The following ERCC8 variants were observed in gnomAD, a reference collection of about 807,000 sequenced individuals.
The protein encoded by ERCC8 is ERCC excision repair 8, CSA ubiquitin ligase complex subunit, also known as DNA excision repair protein ERCC-8.
Under a neutral mutation model 54.9 loss-of-function variants are expected in ERCC8, and 52 were observed. That is an observed-to-expected ratio of 0.95 (90% CI 0.76 to 1.19). The LOEUF is 1.19. ERCC8 is among the 50% of genes most tolerant of loss of function. The probability of loss-of-function intolerance (pLI) is 0.00; values close to 1 mark genes in which losing one functional copy is unlikely to be tolerated. For missense variants in ERCC8, 514 were observed against 466.1 expected, an observed-to-expected ratio of 1.10 and a Z score of -0.95; for synonymous variants, 146 against 157.2, an observed-to-expected ratio of 0.93 and a Z score of 0.53.
At chr5:60,926,044 T>C (rs1749739477) in intron 2 of ERCC8, among the ~76,000 whole-genome samples, 1 of 152,008 alleles carries the variant, frequency 6.6e-6, no homozygotes, top group South Asian at 2.1e-4. Flanking sequence ...AGGCTGGTCT[T>C]GAACTCCTGA....
At position 60,866,681 on chromosome 5, in the gene ERCC8, AAT is replaced by A. The variant is rs1747755368; in HGVS notation, c.*7932_*7933del. The A allele has an allele frequency of 6.6e-6, 1 of 152,124 alleles. No homozygotes were observed. Among genetic ancestry groups the A allele is most frequent in the Non-Finnish European group, 1.5e-5 (1 of 68,022 alleles). 9.4% of individuals were successfully genotyped at this position (152,124 alleles called of 1,614,324 possible). A position where few individuals can be genotyped will look rare whatever the true frequency, so the allele number is the denominator to read the frequency against. On this transcript the variant is annotated 3_prime_UTR_variant, in exon 12 of 12. Coordinates refer to ENST00000676185, the MANE Select transcript of ERCC8 (RefSeq NM_000082.4). ...TTAAGACAATTCATAAAACTTTTAT[AAT>A]GACACTCTACCTCTGCCTTCAATGA...
rs1382384642 is a variant in ERCC8, at chr5:60,871,100, A to G, written c.*3515T>C. Among the ~76,000 whole-genome samples the G allele has an allele frequency of 1.3e-5, 2 of 152,194 alleles. No individual in the cohort carries two copies. The highest frequency in any genetic ancestry group is 2.9e-5 in the Non-Finnish European group (2 of 68,040). ...CAAAAATCGTATACCCAGCTAAACT[A>G]TCATTTCAGAGGGGAAAAAAAAGAT... On this transcript the variant is annotated 3_prime_UTR_variant, in exon 12 of 12. Transcript: ENST00000676185.
chr5:60,887,477 AC>A lies in ERCC8; in HGVS notation c.1084del (p.Val362PhefsTer20), dbSNP rs1351707362. ...AGGAACTGGTTCATATAAGGATGGA[AC>A]CCAAGCCAGAATGTTGCAGTCTCTG... Reference protein sequence around the residue: ...GSRDCNILAWVPSLYEPVPDD... With the variant: ...GSRDCNILAWXPSLYEPVPDD... On this transcript the variant is annotated frameshift_variant, in exon 11 of 12. Transcript: ENST00000676185. LOFTEE classifies it high-confidence loss of function. The A allele has an allele frequency of 6.2e-7, 1 of 1,614,032 alleles. No homozygotes were observed. The highest frequency in any genetic ancestry group is 1.1e-5 in the South Asian group (1 of 91,072).
intron 11 of ERCC8, among the ~76,000 whole-genome samples, chr5:60,879,776 G>A (rs988027129): frequency 5.9e-5 from 9 of 152,178 alleles, no homozygotes; most frequent in African/African-American, 2.2e-4. Context: ...CGTGAGATGG[G>A]TTTCCTGAAT....
At position 60,906,587 on chromosome 5, in the gene ERCC8, G is replaced by T. The variant is rs181983798; in HGVS notation, c.400-1714C>A. The stretch of plus-strand genomic sequence containing the variant: ...CTACTTAAAATATAAAAATTAGCTG[G>T]GCGTGGTGGCAGGCGCCTGTAATCC... On this transcript the variant is annotated intron_variant, in intron 4 of 11. Coordinates refer to ENST00000676185, the MANE Select transcript of ERCC8 (RefSeq NM_000082.4). Among the ~76,000 whole-genome samples, 540 of 151,968 alleles carry T rather than the reference G, an allele frequency of 3.6e-3. 7 individuals carry two copies. The highest frequency in any genetic ancestry group is 0.012 in the African/African-American group (516 of 41,474).
rs1747787858 is a variant in ERCC8, at chr5:60,867,975, G to C, written c.*6640C>G. 6.6e-6 allele frequency among the ~76,000 whole-genome samples: 1 copy of C among 152,210 alleles called. No individual in the cohort carries two copies. The highest frequency in any genetic ancestry group is 2.4e-5 in the African/African-American group (1 of 41,468). The stretch of plus-strand genomic sequence containing the variant: ...GCGGGCAGATCACCTGAGGTCAGGA[G>C]TTCGAGACCAGCCAGACCAACATGG... On this transcript the variant is annotated 3_prime_UTR_variant, in exon 12 of 12. Coordinates refer to ENST00000676185, the MANE Select transcript of ERCC8 (RefSeq NM_000082.4).
At chr5:60,905,666 T>C (rs748193470) in intron 4 of ERCC8, among the ~76,000 whole-genome samples, 29 of 152,208 alleles carry the variant, frequency 1.9e-4, no homozygotes, top group Admixed American at 7.9e-4. Context: ...AGACAACAAA[T>C]GAACATATTG....
chr5:60,890,484 GC>G (rs1253156618), intron 10 of ERCC8, among the ~76,000 whole-genome samples: 1 of 152,088 alleles, frequency 6.6e-6, no homozygotes, highest in Non-Finnish European at 1.5e-5. Context: ...CCCTTTACTA[GC>G]CATTGGTAGA....
In ERCC8 at chr5:60,874,390, C is replaced by A; in HGVS notation, c.*225G>T. The stretch of plus-strand genomic sequence containing the variant: ...TTGTACTGTAGCAATGAGGGCTTTC[C>A]CAGGCCACAACATCTGGGATCAAGG... On this transcript the variant is annotated 3_prime_UTR_variant, in exon 12 of 12. Transcript: ENST00000676185. 2.0e-6 allele frequency: 1 copy of A among 510,198 alleles called. No individual in the cohort carries two copies. The highest frequency in any genetic ancestry group is 3.5e-6 in the Non-Finnish European group (1 of 286,694). 31.6% of individuals were successfully genotyped at this position (510,198 alleles called of 1,614,324 possible).
chr5:60,882,297 G>C (rs1748260155), intron 11 of ERCC8, among the ~76,000 whole-genome samples: 1 of 152,174 alleles, frequency 6.6e-6, no homozygotes. Flanking sequence ...AGCTAGAAGA[G>C]CTGGAAAACA....
intron 9 of ERCC8, 106 bp downstream of exon 9, chr5:60,898,170 C>T (rs1360119595): frequency 7.9e-7 from 1 of 1,272,822 alleles, no homozygotes; most frequent in African/African-American, 1.5e-5. Flanking sequence ...TTAAAAACAG[C>T]TGTGATTAAA....
chr5:60,915,520 T>C (rs991676049), intron 4 of ERCC8, among the ~76,000 whole-genome samples: 3 of 152,086 alleles, frequency 2.0e-5, no homozygotes, highest in African/African-American at 4.8e-5. Flanking sequence ...ATTTATTATC[T>C]GTAATAAATC....
intron 11 of ERCC8, among the ~76,000 whole-genome samples, chr5:60,879,042 G>A (rs1579982997): frequency 6.6e-6 from 1 of 152,242 alleles, no homozygotes; most frequent in East Asian, 1.9e-4. Context: ...TGCTTTGAAT[G>A]TGTCTCAGAG....
chr5:60,893,909 T>A (rs560563099), intron 9 of ERCC8, among the ~76,000 whole-genome samples: 1 of 151,872 alleles, frequency 6.6e-6, no homozygotes, highest in African/African-American at 2.4e-5. Context: ...GAACTCTTCA[T>A]CTTGCAAAAT....
intron 11 of ERCC8, among the ~76,000 whole-genome samples, chr5:60,878,404 T>C (rs1038828703): frequency 6.6e-6 from 1 of 152,182 alleles, no homozygotes; most frequent in Non-Finnish European, 1.5e-5. Flanking sequence ...TTAGGGAGGA[T>C]TCCCTCTTTT....
At chr5:60,881,096 G>C (rs1748203874) in intron 11 of ERCC8, among the ~76,000 whole-genome samples, 1 of 152,160 alleles carries the variant, frequency 6.6e-6, no homozygotes, top group Non-Finnish European at 1.5e-5. Flanking sequence ...AGGACCCTCA[G>C]CAACAGGTCT....
chr5:60,920,680 C>T (rs2112520904), intron 3 of ERCC8, among the ~76,000 whole-genome samples: 1 of 151,944 alleles, frequency 6.6e-6, no homozygotes, highest in East Asian at 1.9e-4. Context: ...TGTCCATTTT[C>T]AAATTCAAAG....
chr5:60,902,427 T>C lies in ERCC8; in HGVS notation c.617+15A>G. 1 of 1,593,938 alleles carries C rather than the reference T, an allele frequency of 6.3e-7. No individual in the cohort carries two copies. Among genetic ancestry groups the C allele is most frequent in the Non-Finnish European group, 8.6e-7 (1 of 1,162,308 alleles). On this transcript the variant is annotated intron_variant, in intron 7 of 11. Coordinates refer to ENST00000676185, the MANE Select transcript of ERCC8 (RefSeq NM_000082.4). ...ATTAATTACTAACTTCAAAAGCAAA[T>C]AAGTTAAATTTTACCTTGCTGTTGC...
At chr5:60,908,685 A>C (rs1038747176) in intron 4 of ERCC8, among the ~76,000 whole-genome samples, 1 of 147,896 alleles carries the variant, frequency 6.8e-6, no homozygotes, top group East Asian at 1.9e-4. Context: ...TGGTACCAAG[A>C]AGCAGAGAAA....
Sources: allele counts gnomAD v4.1 joint callset (sites outside exome capture counted in the v4.1 genomes callset), GRCh38; gene constraint gnomAD v4.1.1; transcripts MANE v1.5; gene names NCBI Gene and HGNC (gene_info 2026-07-23, HGNC 2026-07-21).